The following MBD6 variants were observed in gnomAD, a reference collection of about 807,000 sequenced individuals.
MBD6 encodes methyl-CpG-binding domain protein 6.
A neutral mutation model predicts 66.8 loss-of-function variants in MBD6; 22 were observed. That is an observed-to-expected ratio of 0.33 (90% CI 0.24 to 0.47). The LOEUF (loss-of-function observed/expected upper bound fraction) is 0.47, where lower values mean the gene tolerates loss of function less well. Ranked by LOEUF, MBD6 falls within the 20% of genes least tolerant of loss-of-function variation. The pLI, the probability that MBD6 is intolerant of heterozygous loss-of-function variation, is 1.00. For synonymous variants in MBD6, 540 were observed against 534.6 expected (o/e 1.01, Z -0.14); for missense variants, 1,322 against 1,286.9 (o/e 1.03, Z -0.42).
Position 57,524,788 on chromosome 12 carries a change from A to C in MBD6, c.182A>C (p.Lys61Thr). ...RSYLLSDGTC[K>T]CGLECPLNVP... Reference sequence around the variant, plus strand: ...TACCTCCTCAGCGATGGGACCTGCAAGTGCGGTCTGGAGTGTCCACTTAAT... The same window carrying C: ...TACCTCCTCAGCGATGGGACCTGCACGTGCGGTCTGGAGTGTCCACTTAAT... The change falls in exon 4 of 13, where the codon AAG (lysine) becomes ACG (threonine). Residue 61 changes from lysine (K) to threonine (T), a missense_variant. Physicochemically the swap from Lys to Thr is moderately conservative, Grantham distance 78. Transcript: ENST00000355673. The C allele has an allele frequency of 6.2e-7, 1 of 1,614,238 alleles. No individual in the cohort carries two copies. Among genetic ancestry groups the C allele is most frequent in the Non-Finnish European group, 8.5e-7 (1 of 1,180,034 alleles).
At position 57,524,219 on chromosome 12, in the gene MBD6, C is replaced by G. The variant is rs7965140; in HGVS notation, c.-24-61C>G. 0.019 allele frequency: 20,319 copies of G among 1,078,972 alleles called. 2,458 individuals carry two copies. In the African/African-American group the frequency reaches 0.27, roughly 15 times the overall value. 66.8% of individuals were successfully genotyped at this position (1,078,972 alleles called of 1,614,324 possible). A position where few individuals can be genotyped will look rare whatever the true frequency, so the allele number is the denominator to read the frequency against. ...ACAACCTTTGCCTTCCTGGAGTCCT[C>G]TCTCAGGTACTTCGCTCAGTTTAAT... On this transcript the variant is annotated intron_variant, in intron 2 of 12. Coordinates refer to ENST00000355673, the MANE Select transcript of MBD6 (RefSeq NM_052897.4).
At chr12:57,530,565 C>G (rs767744300), downstream of MBD6, 3 of 828,530 alleles carry the variant, frequency 3.6e-6, no homozygotes, top group South Asian at 5.1e-5. Flanking sequence ...CAAGAAGAAC[C>G]CTTGCCCCCA....
Position 57,526,012 on chromosome 12 carries a change from C to A in MBD6, c.1044C>A (p.Ala348=), listed in dbSNP as rs1057396696. 1 of 1,613,924 alleles carries A rather than the reference C, an allele frequency of 6.2e-7. No homozygotes were observed. The highest frequency in any genetic ancestry group is 1.7e-5 in the Admixed American group (1 of 60,022). Residue 348 remains alanine (A), a synonymous_variant, in exon 6 of 13, where the codon GCC becomes GCA. Transcript: ENST00000355673. ...CTTTACAGGGCCGAAGGCCCCGTGC[C>A]CAGGCACCCTCAGCTTCCCACTCCT... ...PSTLQGRRPR[A]QAPSASHSSS...
chr12:57,528,795 G>A (rs1879288893), intron 11 of MBD6, 77 bp downstream of exon 11: 17 of 1,603,930 alleles, frequency 1.1e-5, no homozygotes, highest in Non-Finnish European at 1.4e-5. Flanking sequence ...TCCAAATAGT[G>A]GCTTGGTTTT....
Position 57,529,367 on chromosome 12 carries a change from C to T in MBD6, c.*133C>T, listed in dbSNP as rs1420087427. The T allele has an allele frequency of 1.3e-6, 1 of 774,090 alleles. No individual in the cohort carries two copies. The highest frequency in any genetic ancestry group is 2.1e-6 in the Non-Finnish European group (1 of 478,384). 48.0% of individuals were successfully genotyped at this position (774,090 alleles called of 1,614,324 possible). A position where few individuals can be genotyped will look rare whatever the true frequency, so the allele number is the denominator to read the frequency against. ...CTCCCCACTCAGAGCACAAATGCAACTCCTTCCCCTACAATCCCATCCTGA... is the reference window on the plus strand; with the variant it reads ...CTCCCCACTCAGAGCACAAATGCAATTCCTTCCCCTACAATCCCATCCTGA... On this transcript the variant is annotated 3_prime_UTR_variant, in exon 13 of 13. Transcript: ENST00000355673.
chr12:57,526,668 C>T lies in MBD6; in HGVS notation c.1523C>T (p.Pro508Leu). Residue 508 changes from proline to leucine, a missense_variant, in exon 7 of 13, where the codon CCT (proline) becomes CTT (leucine). By Grantham distance (98) the Pro-to-Leu change is moderately conservative (BLOSUM62 -3). Transcript: ENST00000355673. Reference protein sequence around the residue: ...GLGMGAGPACPLPPLAGGEAF... With the variant: ...GLGMGAGPACLLPPLAGGEAF... ...GGGATGGGGGCAGGCCCGGCCTGCC[C>T]TCTGCCTCCCCTGGCTGGTGGAGAG... 6.6e-7 allele frequency: 1 copy of T among 1,523,086 alleles called. No individual in the cohort carries two copies. The highest frequency in any genetic ancestry group is 8.8e-7 in the Non-Finnish European group (1 of 1,136,584). The allele number at this position is 1,523,086 out of a possible 1,614,324, so 94.3% of individuals were successfully genotyped here.
chr12:57,526,933 G>C lies in MBD6; in HGVS notation c.1788G>C (p.Ser596=), dbSNP rs753788958. Reference sequence around the variant, plus strand: ...CCCCAGGAGAGCCTGAAGGGCCTTCGCTTTTGGTGGCTTCCTTGCTTCCTC... The same window carrying C: ...CCCCAGGAGAGCCTGAAGGGCCTTCCCTTTTGGTGGCTTCCTTGCTTCCTC... ...PLAPGEPEGP[S]LLVASLLPPP... The change falls in exon 7 of 13, where the codon TCG becomes TCC. Residue 596 remains serine (S), a synonymous_variant. Coordinates refer to ENST00000355673, the MANE Select transcript of MBD6 (RefSeq NM_052897.4). 1 of 1,613,564 alleles carries C rather than the reference G, an allele frequency of 6.2e-7. No individual in the cohort carries two copies.
At position 57,525,465 on chromosome 12, in the gene MBD6, C is replaced by G. The variant is rs1256591323; in HGVS notation, c.497C>G (p.Pro166Arg). 2 of 1,538,402 alleles carry G rather than the reference C, an allele frequency of 1.3e-6. No individual in the cohort carries two copies. Among genetic ancestry groups the G allele is most frequent in the Non-Finnish European group, 1.7e-6 (2 of 1,146,616 alleles). The change falls in exon 6 of 13, where the codon CCA becomes CGA. Residue 166 changes from proline (P) to arginine (R), a missense_variant. Transcript: ENST00000355673. Reference sequence around the variant, plus strand: ...AATGGGGGTCCTGGCTCCCTTCCCCCAGAACCACCCTCAGTTTCCCAGGCC... The same window carrying G: ...AATGGGGGTCCTGGCTCCCTTCCCCGAGAACCACCCTCAGTTTCCCAGGCC... ...PLNGGPGSLP[P>R]EPPSVSQAFP...
Position 57,527,622 on chromosome 12 carries a change from C to T in MBD6, c.2198C>T (p.Pro733Leu), listed in dbSNP as rs141922766. The T allele has an allele frequency of 3.1e-5, 50 of 1,611,668 alleles. No individual in the cohort carries two copies. In the African/African-American group the frequency reaches 6.4e-4, roughly 21 times the overall value. ...GKAPSNSGRP[P>L]QLLSPLLGAS... ...GCCCCCTCCAACTCAGGGAGACCCC[C>T]CCAACTCCTTAGCCCTCTGCTGGGT... is the stretch of plus-strand genomic sequence containing the variant. The change falls in exon 8 of 13, where the codon CCC becomes CTC. Residue 733 changes from proline (P) to leucine (L), a missense_variant. Coordinates refer to ENST00000355673, the MANE Select transcript of MBD6 (RefSeq NM_052897.4).
In MBD6 at chr12:57,526,633, C is replaced by A. The variant is rs758235396; in HGVS notation, c.1488C>A (p.Ser496=). 7.3e-6 allele frequency: 11 copies of A among 1,513,910 alleles called. No individual in the cohort carries two copies. The highest frequency in any genetic ancestry group is 2.3e-5 in the East Asian group (1 of 43,898). 93.8% of individuals were successfully genotyped at this position (1,513,910 alleles called of 1,614,324 possible). The stretch of plus-strand genomic sequence containing the variant: ...CCAGCCCTGTGCTTCAAAGCCCATC[C>A]GAAGGACTGGGGATGGGGGCAGGCC... ...VVPSPVLQSP[S]EGLGMGAGPA... is the part of the protein sequence containing the mutation. The change falls in exon 7 of 13, where the codon TCC becomes TCA. Residue 496 remains serine, a synonymous_variant. Coordinates refer to ENST00000355673, the MANE Select transcript of MBD6 (RefSeq NM_052897.4).
rs1372021127 is a variant in MBD6 at position 57,525,900 on chromosome 12, A to G, written c.932A>G (p.Glu311Gly). The G allele has an allele frequency of 2.5e-6, 4 of 1,609,752 alleles. No homozygotes were observed. The highest frequency in any genetic ancestry group is 2.5e-6 in the Non-Finnish European group (3 of 1,178,298). The change falls in exon 6 of 13, where the codon GAG (glutamate) becomes GGG (glycine). Residue 311 changes from glutamate (E) to glycine (G), a missense_variant. By Grantham distance (98) the Glu-to-Gly change is moderately conservative. Coordinates refer to ENST00000355673, the MANE Select transcript of MBD6 (RefSeq NM_052897.4). ...CCCCTGGGAGGGGCCCCCACGGTGGAGGGGCCTGGGGCACCCCCCTTCCTT... is the reference window on the plus strand; with the variant it reads ...CCCCTGGGAGGGGCCCCCACGGTGGGGGGGCCTGGGGCACCCCCCTTCCTT... ...LGPLGGAPTV[E>G]GPGAPPFLAS...
At position 57,525,383 on chromosome 12, in the gene MBD6, TC is replaced by T; in HGVS notation, c.419del (p.Pro140GlnfsTer39). The T allele has an allele frequency of 6.4e-7, 1 of 1,556,554 alleles. No individual in the cohort carries two copies. The highest frequency in any genetic ancestry group is 1.7e-4 in the Middle Eastern group (1 of 5,730). ...GAGCCCCCAAATGTTCCACACTGTG[TC>T]CCCAGGGCCCCCCTCTGCCCGCCCT... Reference protein sequence around the residue: ...GASPQMFHTVSPGPPSARPPC... With the variant: ...GASPQMFHTVXPGPPSARPPC... On this transcript the variant is annotated frameshift_variant, in exon 6 of 13. Coordinates refer to ENST00000355673, the MANE Select transcript of MBD6 (RefSeq NM_052897.4). LOFTEE classifies it high-confidence loss of function.
intron 5 of MBD6, 110 bp downstream of exon 5, chr12:57,525,225 G>A (rs1176092579): frequency 6.0e-6 from 9 of 1,492,486 alleles, no homozygotes; most frequent in Non-Finnish European, 8.1e-6. Flanking sequence ...AGTGGGTGGG[G>A]AGCTGCATGT....
chr12:57,526,230 C>T lies in MBD6; in HGVS notation c.1262C>T (p.Pro421Leu), dbSNP rs754080990. 6.2e-6 allele frequency: 10 copies of T among 1,614,150 alleles called. No homozygotes were observed. In the Admixed American group the frequency reaches 1.5e-4, roughly 24 times the overall value. Residue 421 changes from proline (P) to leucine (L), a missense_variant, in exon 6 of 13, where the codon CCT becomes CTT. Pro to Leu is a moderately conservative substitution (Grantham distance 98, BLOSUM62 -3). Transcript: ENST00000355673. ...SVLSLLGLPT[P>L]GPSHSDGSFN... ...CTGTCCCTGCTGGGACTCCCCACCC[C>T]TGGCCCTTCCCACTCTGATGGAAGC... is the stretch of plus-strand genomic sequence containing the variant.
At position 57,524,973 on chromosome 12, in the gene MBD6, G is replaced by A; in HGVS notation, c.237G>A (p.Leu79=). 1 of 1,603,538 alleles carries A rather than the reference G, an allele frequency of 6.2e-7. No individual in the cohort carries two copies. Among genetic ancestry groups the A allele is most frequent in the Non-Finnish European group, 8.5e-7 (1 of 1,173,382 alleles). ...TACAGGTTTTCAACTTTGACCCTTT[G>A]GCCCCGGTGACCCCGGGTGGGGCTG... is the stretch of plus-strand genomic sequence containing the variant. ...NVPKVFNFDP[L]APVTPGGAGV... The change falls in exon 5 of 13, where the codon TTG becomes TTA. Residue 79 remains leucine, a synonymous_variant. Transcript: ENST00000355673.
intron 3 of MBD6, 122 bp from the exon 4 acceptor site, chr12:57,524,598 C>T (rs1878711039): frequency 1.8e-6 from 2 of 1,108,214 alleles, no homozygotes; most frequent in Non-Finnish European, 2.7e-6. Context: ...TTTTCTGTGT[C>T]TTCCCACATT....
At chr12:57,522,140 C>A (rs1878389957), upstream of MBD6, among the ~76,000 whole-genome samples, 1 of 152,124 alleles carries the variant, frequency 6.6e-6, no homozygotes, top group Non-Finnish European at 1.5e-5. Flanking sequence ...TGTCACAAGG[C>A]CGGTTGTGAC....
chr12:57,529,353 G>C lies in MBD6; in HGVS notation c.*119G>C. 1 of 904,476 alleles carries C rather than the reference G, an allele frequency of 1.1e-6. No homozygotes were observed. The highest frequency in any genetic ancestry group is 1.7e-6 in the Non-Finnish European group (1 of 585,442). 56.0% of individuals were successfully genotyped at this position (904,476 alleles called of 1,614,324 possible). Reference sequence around the variant, plus strand: ...GGGTGGGGGCACTACTCCCCACTCAGAGCACAAATGCAACTCCTTCCCCTA... The same window carrying C: ...GGGTGGGGGCACTACTCCCCACTCACAGCACAAATGCAACTCCTTCCCCTA... On this transcript the variant is annotated 3_prime_UTR_variant, in exon 13 of 13. Transcript: ENST00000355673.
chr12:57,529,018 GTGTT>G lies in MBD6; in HGVS notation c.2937+12_2937+15del. ...CCAGCCCTACAGCCCGAGTAAGTGT[GTGTT>G]TGGGTGGATGGGTGGATGGGTAGGG... On this transcript the variant is annotated intron_variant, in intron 12 of 12. Coordinates refer to ENST00000355673, the MANE Select transcript of MBD6 (RefSeq NM_052897.4). The G allele has an allele frequency of 6.2e-7, 1 of 1,614,096 alleles. No homozygotes were observed. The highest frequency in any genetic ancestry group is 1.3e-5 in the African/African-American group (1 of 75,026).
Sources: allele counts gnomAD v4.1 joint callset (sites outside exome capture counted in the v4.1 genomes callset), GRCh38; gene constraint gnomAD v4.1.1; transcripts MANE v1.5; gene names NCBI Gene and HGNC (gene_info 2026-07-23, HGNC 2026-07-21).